The following SHANK2 variants were observed in gnomAD, a reference collection of about 807,000 sequenced individuals.
SHANK2 encodes SH3 and multiple ankyrin repeat domains protein 2.
In SHANK2, 43 loss-of-function variants were observed where a neutral mutation model predicts 133.7. That is an observed-to-expected ratio of 0.32 (90% confidence interval 0.25 to 0.41). The LOEUF (loss-of-function observed/expected upper bound fraction) is 0.41, where lower values mean the gene tolerates loss of function less well. Among genes scored for constraint, SHANK2 ranks in the 10% least tolerant of loss-of-function variants. SHANK2 has a pLI of 1.00. For missense variants in SHANK2, 1,994 were observed against 2,235.8 expected, an observed-to-expected ratio of 0.89 and a Z score of 2.18; for synonymous variants, 1,017 against 952.8, an observed-to-expected ratio of 1.07 and a Z score of -1.24.
intron 11 of SHANK2, among the ~76,000 whole-genome samples, chr11:70,832,169 A>C (rs1231586489): frequency 1.3e-5 from 2 of 152,200 alleles, no homozygotes; most frequent in African/African-American, 4.8e-5. Flanking sequence ...ACTTCACAGG[A>C]GAGTCATAAG....
chr11:70,683,076 G>A (rs1462799909), intron 15 of SHANK2, among the ~76,000 whole-genome samples: 1 of 152,142 alleles, frequency 6.6e-6, no homozygotes, highest in Non-Finnish European at 1.5e-5. Flanking sequence ...TTCCCTGCTG[G>A]TCTCTCCACC....
intron 10 of SHANK2, among the ~76,000 whole-genome samples, chr11:70,915,207 C>T (rs1440639509): frequency 6.6e-6 from 1 of 152,122 alleles, no homozygotes; most frequent in Non-Finnish European, 1.5e-5. Context: ...TAAACACAGA[C>T]GTTGGGCCCT....
chr11:71,128,016 G>A (rs1485754539), intron 3 of SHANK2, among the ~76,000 whole-genome samples: 1 of 152,176 alleles, frequency 6.6e-6, no homozygotes, highest in African/African-American at 2.4e-5. Flanking sequence ...GAGGTCTCAC[G>A]ATGTCATCTC....
intron 17 of SHANK2, among the ~76,000 whole-genome samples, chr11:70,638,817 T>A (rs1172138175): frequency 6.6e-6 from 1 of 151,774 alleles, no homozygotes; most frequent in African/African-American, 2.4e-5. Context: ...GCCAACATGG[T>A]GAAACCCCGT....
chr11:70,741,674 C>T (rs1213133972), intron 14 of SHANK2, among the ~76,000 whole-genome samples: 1 of 152,202 alleles, frequency 6.6e-6, no homozygotes, highest in Non-Finnish European at 1.5e-5. Context: ...TATGCCTCAC[C>T]ATAACTTAAG....
At chr11:70,618,619 G>T (rs1011981625) in intron 17 of SHANK2, among the ~76,000 whole-genome samples, 5 of 152,140 alleles carry the variant, frequency 3.3e-5, no homozygotes, top group Non-Finnish European at 7.3e-5. Flanking sequence ...GCAGAATTAC[G>T]AGGCATTTCA....
At chr11:70,879,939 G>C (rs369621770) in intron 11 of SHANK2, among the ~76,000 whole-genome samples, 4 of 152,350 alleles carry the variant, frequency 2.6e-5, no homozygotes, top group South Asian at 4.1e-4. Context: ...AGAGCTTCCT[G>C]GCTTTTGAGG....
At chr11:70,878,117 G>T (rs1793366496) in intron 11 of SHANK2, among the ~76,000 whole-genome samples, 2 of 152,220 alleles carry the variant, frequency 1.3e-5, no homozygotes, top group South Asian at 4.1e-4. Context: ...GAAGGAAGGT[G>T]TCGCCTTTAT....
intron 2 of SHANK2, among the ~76,000 whole-genome samples, chr11:71,157,457 G>A (rs1389869256): frequency 6.6e-6 from 1 of 152,154 alleles, no homozygotes; most frequent in African/African-American, 2.4e-5. Flanking sequence ...CAGCATTCAT[G>A]TGGAAGTGTG....
intron 2 of SHANK2, among the ~76,000 whole-genome samples, chr11:71,157,022 G>A (rs1321633843): frequency 1.9e-4 from 29 of 152,226 alleles, no homozygotes; most frequent in Non-Finnish European, 4.1e-4. Flanking sequence ...TGTAAATGAC[G>A]AGTTAATGGG....
At chr11:71,168,823 G>A (rs1383781640) in intron 2 of SHANK2, among the ~76,000 whole-genome samples, 1 of 151,744 alleles carries the variant, frequency 6.6e-6, no homozygotes, top group African/African-American at 2.4e-5. Flanking sequence ...GAGAGGGAGA[G>A]GGAGAGGGCC....
chr11:70,806,977 C>T (rs782756950), intron 13 of SHANK2, 25 bp downstream of exon 13: 75 of 713,876 alleles, frequency 1.1e-4, no homozygotes, highest in Middle Eastern at 7.0e-4. Context: ...ACTCCAGGAG[C>T]GGAGGACAAC....
intron 14 of SHANK2, among the ~76,000 whole-genome samples, chr11:70,702,200 C>A (rs974969919): frequency 6.6e-6 from 1 of 151,800 alleles, no homozygotes; most frequent in Non-Finnish European, 1.5e-5. Context: ...CCACCACCAT[C>A]ATCACCACTA....
intron 17 of SHANK2, among the ~76,000 whole-genome samples, chr11:70,594,353 A>G (rs1219687048): frequency 6.6e-6 from 1 of 152,280 alleles, no homozygotes; most frequent in East Asian, 1.9e-4. Flanking sequence ...CCCAGCACAG[A>G]CCCAAATCCA....
chr11:70,550,258 G>A (rs1047042109), intron 17 of SHANK2, among the ~76,000 whole-genome samples: 6 of 152,130 alleles, frequency 3.9e-5, no homozygotes, highest in South Asian at 2.1e-4. Context: ...TGCCATGAAC[G>A]ACCTCAGCCT....
At chr11:71,172,202 G>A (rs2135512524) in intron 2 of SHANK2, among the ~76,000 whole-genome samples, 1 of 152,308 alleles carries the variant, frequency 6.6e-6, no homozygotes, top group Non-Finnish European at 1.5e-5. Flanking sequence ...CCACCGTCCT[G>A]CCAGCTCTCT....
At chr11:70,592,136 GCCTCTAATACTCT>G (rs1402608153) in intron 17 of SHANK2, among the ~76,000 whole-genome samples, 1 of 152,196 alleles carries the variant, frequency 6.6e-6, no homozygotes, top group African/African-American at 2.4e-5. Context: ...TCCCTGTCAA[GCCTCTAATACTCT>G]CCTGTGGCTC....
intron 10 of SHANK2, among the ~76,000 whole-genome samples, chr11:70,932,228 C>T (rs1444647100): frequency 2.6e-5 from 4 of 152,310 alleles, no homozygotes; most frequent in South Asian, 2.1e-4. Context: ...AACAAAGTTC[C>T]GTGGAGGAAA....
chr11:70,825,861 C>A (rs1262104185), intron 11 of SHANK2, among the ~76,000 whole-genome samples: 1 of 152,164 alleles, frequency 6.6e-6, no homozygotes, highest in East Asian at 1.9e-4. Context: ...TTCTTTTAGG[C>A]AATCTGCACT....
Sources: gnomAD v4.1 joint callset for allele counts (sites outside exome capture counted in the v4.1 genomes callset) on GRCh38, gnomAD v4.1.1 for gene constraint, MANE v1.5 for transcripts, NCBI Gene and HGNC (gene_info 2026-07-23, HGNC 2026-07-21) for gene names.